Variants in PDS5B observed in about 807,000 individuals in gnomAD.
PDS5B encodes the protein PDS5 cohesin associated factor B.
PDS5B carries 51 observed loss-of-function variants against 184.1 expected under a neutral mutation model. That is an observed-to-expected ratio of 0.28 (90% CI 0.22 to 0.35). The LOEUF (loss-of-function observed/expected upper bound fraction) is 0.35. PDS5B is among the 10% of genes least tolerant of loss of function. The pLI is 1.00. For missense variants in PDS5B, 1,180 were observed against 1,723.3 expected, an observed-to-expected ratio of 0.68 and a Z score of 5.58; for synonymous variants, 566 against 569.2, an observed-to-expected ratio of 0.99 and a Z score of 0.08.
At chr13:32,636,468 T>G (rs1177421533) in intron 1 of PDS5B, among the ~76,000 whole-genome samples, 1 of 152,190 alleles carries the variant, frequency 6.6e-6, no homozygotes, top group African/African-American at 2.4e-5. Context: ...TTGGGTCTGA[T>G]TATTAGAGGA....
chr13:32,660,510 T>C (rs1426642901), intron 6 of PDS5B, among the ~76,000 whole-genome samples: 2 of 152,094 alleles, frequency 1.3e-5, no homozygotes, highest in Non-Finnish European at 2.9e-5. Context: ...GCCTTTCAAA[T>C]GGGCTGTGCC....
At chr13:32,683,641 A>G (rs944000322) in intron 10 of PDS5B, among the ~76,000 whole-genome samples, 1 of 152,178 alleles carries the variant, frequency 6.6e-6, no homozygotes, top group Non-Finnish European at 1.5e-5. Context: ...TTCTTAATCA[A>G]GTTATCAATC....
intron 21 of PDS5B, 97 bp downstream of exon 21, chr13:32,735,427 A>G: frequency 2.7e-6 from 2 of 735,970 alleles, no homozygotes; most frequent in East Asian, 2.8e-5. Flanking sequence ...TAATACTTCC[A>G]TTTGACTGCC....
At chr13:32,680,277 G>A (rs1191695962) in intron 10 of PDS5B, among the ~76,000 whole-genome samples, 1 of 152,044 alleles carries the variant, frequency 6.6e-6, no homozygotes, top group African/African-American at 2.4e-5. Context: ...ATTAAGAGTG[G>A]GGGGCTGAAT....
chr13:32,774,185 A>G (rs1328462267), intron 34 of PDS5B, among the ~76,000 whole-genome samples: 1 of 152,192 alleles, frequency 6.6e-6, no homozygotes, highest in Non-Finnish European at 1.5e-5. Context: ...AACATAATAC[A>G]TTTAAGTAGA....
intron 1 of PDS5B, among the ~76,000 whole-genome samples, chr13:32,636,070 A>G (rs969381500): frequency 2.0e-5 from 3 of 152,128 alleles, no homozygotes; most frequent in Non-Finnish European, 2.9e-5. Context: ...CTCCCGGCCT[A>G]GTATTCTGAT....
intron 10 of PDS5B, among the ~76,000 whole-genome samples, chr13:32,681,495 A>G (rs1951240912): frequency 6.6e-6 from 1 of 151,986 alleles, no homozygotes; most frequent in Admixed American, 6.6e-5. Context: ...GTGGTGGTGC[A>G]CACCTGTAAT....
chr13:32,688,861 TTTTA>T (rs1951468609), intron 13 of PDS5B: 2 of 334,280 alleles, frequency 6.0e-6, no homozygotes, highest in Non-Finnish European at 1.1e-5. Context: ...ACCTATTCTT[TTTTA>T]TTTGTTTTCC....
intron 1 of PDS5B, among the ~76,000 whole-genome samples, chr13:32,634,276 G>A (rs372085827): frequency 6.6e-6 from 1 of 152,130 alleles, no homozygotes; most frequent in African/African-American, 2.4e-5. Context: ...GAGACTTAAA[G>A]CCTTAGATTA....
intron 33 of PDS5B, among the ~76,000 whole-genome samples, chr13:32,772,161 A>G (rs571546132): frequency 1.1e-4 from 16 of 152,284 alleles, no homozygotes; most frequent in Admixed American, 2.0e-4. Flanking sequence ...AAACCAAGTA[A>G]AAAAATTGTT....
rs545213241 is a variant in PDS5B at position 32,775,956 on chromosome 13, G to C, written c.*904G>C. The C allele has an allele frequency of 4.2e-5, 8 of 191,728 alleles. No homozygotes were observed. Among genetic ancestry groups the C allele is most frequent in the Non-Finnish European group, 8.7e-5 (8 of 91,756 alleles). 11.9% of individuals were successfully genotyped at this position (191,728 alleles called of 1,614,324 possible). A position where few individuals can be genotyped will look rare whatever the true frequency, so the allele number is the denominator to read the frequency against. ...TGTGTATAGATATTTCCTCTTGAAC[G>C]TTATGTTCAGAAAATGCAAATTACA... On this transcript the variant is annotated 3_prime_UTR_variant, in exon 35 of 35. Coordinates refer to ENST00000315596, the MANE Select transcript of PDS5B (RefSeq NM_015032.4).
chr13:32,715,886 C>T (rs1230329089), intron 19 of PDS5B, among the ~76,000 whole-genome samples: 3 of 152,262 alleles, frequency 2.0e-5, no homozygotes, highest in Non-Finnish European at 4.4e-5. Flanking sequence ...GTCTCCAGCT[C>T]CTAACCGCGA....
intron 1 of PDS5B, among the ~76,000 whole-genome samples, chr13:32,619,890 C>G (rs2058271684): frequency 6.6e-6 from 1 of 152,090 alleles, no homozygotes; most frequent in Non-Finnish European, 1.5e-5. Flanking sequence ...CCTTTGCCTC[C>G]TGGGTTCAAG....
chr13:32,658,955 T>C (rs113367893), intron 5 of PDS5B, among the ~76,000 whole-genome samples, 199 bp from the exon 6 acceptor site: 1,706 of 152,254 alleles, frequency 0.011, 34 homozygotes, highest in African/African-American at 0.039. Flanking sequence ...GGGAAAAATC[T>C]AAGAAATGTA....
intron 1 of PDS5B, among the ~76,000 whole-genome samples, chr13:32,645,079 A>G (rs940595787): frequency 3.9e-5 from 6 of 152,138 alleles, no homozygotes; most frequent in Non-Finnish European, 5.9e-5. Context: ...TGGCACAATC[A>G]TAGCTCACTG....
At chr13:32,691,548 T>C (rs913925296) in intron 13 of PDS5B, among the ~76,000 whole-genome samples, 1 of 152,156 alleles carries the variant, frequency 6.6e-6, no homozygotes, top group Non-Finnish European at 1.5e-5. Flanking sequence ...ATATGAGTTA[T>C]TCTCAAATTT....
intron 13 of PDS5B, among the ~76,000 whole-genome samples, chr13:32,692,414 CCTTTTTTTTTTTTTTTTTT>C (rs1951580865): frequency 1.4e-5 from 1 of 69,124 alleles, no homozygotes; most frequent in African/African-American, 5.0e-5. Flanking sequence ...GTCCAAAAAG[CCTTTTTTTTTTTTTTTTTT>C]TTTTTTTTTG....
intron 23 of PDS5B, among the ~76,000 whole-genome samples, chr13:32,743,519 G>T (rs1409095799): frequency 6.6e-6 from 1 of 152,054 alleles, no homozygotes; most frequent in Admixed American, 6.6e-5. Context: ...GCCATTTGGT[G>T]CCCCTCCTTG....
Position 32,770,667 on chromosome 13 carries a change from G to A in PDS5B, c.4078G>A (p.Glu1360Lys). 1 of 1,610,830 alleles carries A rather than the reference G, an allele frequency of 6.2e-7. No homozygotes were observed. The highest frequency in any genetic ancestry group is 8.5e-7 in the Non-Finnish European group (1 of 1,178,636). ...RRAQQRAESP[E>K]SSAIESTQST... ...TCCCCAAAGCAGAGCAGAATCTCCT[G>A]AATCTAGTGCAATTGAATCCACACA... Residue 1360 changes from glutamate (E) to lysine (K), a missense_variant, in exon 33 of 35, where the codon GAA becomes AAA. Glu to Lys is a moderately conservative substitution (Grantham distance 56). Transcript: ENST00000315596.
Sources: allele counts gnomAD v4.1 joint callset (sites outside exome capture counted in the v4.1 genomes callset), GRCh38; gene constraint gnomAD v4.1.1; transcripts MANE v1.5; gene names NCBI Gene and HGNC (gene_info 2026-07-23, HGNC 2026-07-21).